CHODL: variants seen among roughly 807,000 people sequenced by gnomAD.
CHODL encodes chondrolectin, also known as transmembrane protein MT75.
A neutral mutation model predicts 34.5 loss-of-function variants in CHODL; 29 were observed. The ratio of observed to expected loss-of-function variants is 0.84; its 90% CI spans 0.63 to 1.15. The LOEUF (loss-of-function observed/expected upper bound fraction) is 1.15, where lower values mean the gene tolerates loss of function less well. CHODL is among the 50% of genes most tolerant of loss of function. The pLI is 0.00. For synonymous variants in CHODL, 125 were observed against 116.1 expected (o/e 1.08, Z -0.49); for missense variants, 332 against 332.5 (o/e 1.00, Z 0.01).
intron 2 of CHODL, among the ~76,000 whole-genome samples, chr21:18,149,241 C>T (rs572783505): frequency 8.5e-4 from 129 of 152,242 alleles, no homozygotes; most frequent in African/African-American, 3.0e-3. Flanking sequence ...AATTGGCAGG[C>T]GTGAGCAGTC....
intron 1 of CHODL, among the ~76,000 whole-genome samples, chr21:17,961,634 G>A (rs993166062): frequency 6.6e-6 from 1 of 152,200 alleles, no homozygotes; most frequent in Admixed American, 6.5e-5. Flanking sequence ...ACTCATCACA[G>A]TTCCTGAATG....
chr21:18,253,987 T>C (rs531661000), intron 1 of CHODL, among the ~76,000 whole-genome samples: 2 of 152,248 alleles, frequency 1.3e-5, no homozygotes, highest in East Asian at 3.9e-4. Flanking sequence ...TCAAACACTG[T>C]TGAGAAGTTA....
chr21:18,229,220 G>C (rs1280882751), intron 2 of CHODL, among the ~76,000 whole-genome samples: 1 of 152,130 alleles, frequency 6.6e-6, no homozygotes, highest in Non-Finnish European at 1.5e-5. Flanking sequence ...TCTTATATGT[G>C]CAGATTGCTG....
At position 17,965,957 on chromosome 21, in the gene CHODL, A is replaced by G. The variant is rs556349186; in HGVS notation, c.-145+48557A>G. Among the ~76,000 whole-genome samples, 43 of 151,244 alleles carry G rather than the reference A, an allele frequency of 2.8e-4. No homozygotes were observed. The South Asian group carries it at 8.6e-3, about 30-fold the overall frequency. ...AGGGGACTTATTTTGGCAATAGAAA[A>G]CTGAGCTGGATGGATTGTGGTTATG... On this transcript the variant is annotated intron_variant, in intron 1 of 6. Coordinates refer to the CHODL transcript ENST00000400127.
rs1363834807 is a variant in CHODL at position 18,200,682 on chromosome 21, T to C, written c.-44-55827T>C. On this transcript the variant is annotated intron_variant, in intron 2 of 6. Coordinates refer to the CHODL transcript ENST00000400127. The stretch of plus-strand genomic sequence containing the variant: ...TACTTAATTGGAACCGGTAGTGAGT[T>C]GAATTGTGCATTCAAGTCCTAACCC... Among the ~76,000 whole-genome samples the C allele has an allele frequency of 4.6e-5, 7 of 152,202 alleles. 1 individual carries two copies. In the South Asian group the frequency reaches 1.2e-3, roughly 27 times the overall value.
At chr21:18,171,213 T>TTTTTTTTTTC (rs2073225644) in intron 2 of CHODL, among the ~76,000 whole-genome samples, 1 of 80,862 alleles carries the variant, frequency 1.2e-5, no homozygotes, top group Non-Finnish European at 2.3e-5. Flanking sequence ...TTTTTTTTTT[T>TTTTTTTTTTC]TTTTGAGACG....
intron 2 of CHODL, among the ~76,000 whole-genome samples, chr21:18,058,504 C>A (rs80102895): frequency 0.029 from 4,397 of 152,112 alleles, 193 homozygotes; most frequent in African/African-American, 0.099. Context: ...ACACAATGGC[C>A]ATAAAAAATA....
At chr21:17,983,476 C>T (rs2146378371) in intron 1 of CHODL, among the ~76,000 whole-genome samples, 1 of 152,222 alleles carries the variant, frequency 6.6e-6, no homozygotes, top group African/African-American at 2.4e-5. Context: ...ATTCTTGTAG[C>T]AGTTTTCATC....
intron 1 of CHODL, among the ~76,000 whole-genome samples, chr21:17,939,814 T>C (rs886290913): frequency 6.6e-6 from 1 of 152,222 alleles, no homozygotes; most frequent in Non-Finnish European, 1.5e-5. Context: ...TAGTTTCTCA[T>C]GCAGTTTTCT....
intron 2 of CHODL, among the ~76,000 whole-genome samples, chr21:18,185,979 A>G (rs2073436616): frequency 6.6e-6 from 1 of 152,130 alleles, no homozygotes; most frequent in Non-Finnish European, 1.5e-5. Context: ...AGGTTTTAAC[A>G]TATGAATTTT....
chr21:18,200,962 G>A (rs946390507), intron 2 of CHODL, among the ~76,000 whole-genome samples: 4 of 152,230 alleles, frequency 2.6e-5, no homozygotes, highest in South Asian at 4.1e-4. Flanking sequence ...CCCCAGAACC[G>A]TCAGAAGGAA....
chr21:18,114,444 A>T lies in CHODL; in HGVS notation c.-45+86473A>T, dbSNP rs140551985. 3.3e-4 allele frequency among the ~76,000 whole-genome samples: 50 copies of T among 152,286 alleles called. No homozygotes were observed. The East Asian group carries it at 8.7e-3, about 26-fold the overall frequency. ...CCCACAACAGTTTAAAAAATAATTT[A>T]AAAAACTTATTTATTATTTTTTTTT... On this transcript the variant is annotated intron_variant, in intron 2 of 6. Coordinates refer to the CHODL transcript ENST00000400127.
intron 2 of CHODL, among the ~76,000 whole-genome samples, chr21:18,057,705 T>C (rs966109022): frequency 6.6e-6 from 1 of 152,032 alleles, no homozygotes; most frequent in African/African-American, 2.4e-5. Flanking sequence ...AAAAATCTTA[T>C]ATAACCCTGA....
intron 2 of CHODL, among the ~76,000 whole-genome samples, chr21:18,123,788 G>A (rs1022936578): frequency 7.9e-5 from 12 of 152,034 alleles, no homozygotes; most frequent in South Asian, 6.2e-4. Flanking sequence ...TGTGCGGGGC[G>A]GGTGGCATTC....
chr21:18,045,765 A>G (rs1017692942), intron 2 of CHODL, among the ~76,000 whole-genome samples: 3 of 151,878 alleles, frequency 2.0e-5, no homozygotes, highest in African/African-American at 7.2e-5. Context: ...TGAACTAGTA[A>G]TCTTACAATT....
intron 1 of CHODL, among the ~76,000 whole-genome samples, chr21:18,010,426 C>A (rs1216900438): frequency 5.3e-5 from 8 of 151,592 alleles, no homozygotes; most frequent in African/African-American, 1.5e-4. Flanking sequence ...CTGTGAAGAT[C>A]TGTAGCCAGA....
intron 1 of CHODL, among the ~76,000 whole-genome samples, chr21:17,962,991 G>A (rs1167684427): frequency 2.6e-5 from 4 of 151,850 alleles, no homozygotes; most frequent in African/African-American, 9.7e-5. Flanking sequence ...ATGAACCCGG[G>A]AGGCGGAGCT....
intron 1 of CHODL, among the ~76,000 whole-genome samples, chr21:17,994,511 T>C (rs1252567966): frequency 6.6e-6 from 1 of 152,178 alleles, no homozygotes; most frequent in African/African-American, 2.4e-5. Flanking sequence ...TCCTTGGGGC[T>C]CTGGGAGGCA....
rs541917118 is a variant in CHODL, at chr21:17,945,300, T to G, written c.-145+27900T>G. Among the ~76,000 whole-genome samples, 20 of 151,560 alleles carry G rather than the reference T, an allele frequency of 1.3e-4. No individual in the cohort carries two copies. The East Asian group carries it at 3.9e-3, about 29-fold the overall frequency. On this transcript the variant is annotated intron_variant, in intron 1 of 6. Coordinates refer to the CHODL transcript ENST00000400127. ...GACTAAAAAAAATTTAGAATAATAC[T>G]CATAAACAAGTTTATTGAATTACAA...
Sources: allele counts gnomAD v4.1 joint callset (sites outside exome capture counted in the v4.1 genomes callset), GRCh38; gene constraint gnomAD v4.1.1; transcripts MANE v1.5; gene names NCBI Gene and HGNC (gene_info 2026-07-23, HGNC 2026-07-21).